The following CNTN3 variants were observed in gnomAD, a reference collection of about 807,000 sequenced individuals.
The protein encoded by CNTN3 is contactin-3.
A neutral mutation model predicts 119.1 loss-of-function variants in CNTN3; 60 were observed. The ratio of observed to expected loss-of-function variants is 0.50; its 90% CI spans 0.41 to 0.62. CNTN3 has a LOEUF of 0.62. CNTN3 is among the 20% of genes least tolerant of loss of function. The probability of loss-of-function intolerance (pLI) is 0.00; values close to 1 mark genes in which losing one functional copy is unlikely to be tolerated. For missense variants in CNTN3, 1,101 were observed against 1,242.4 expected (o/e 0.89, Z 1.71); for synonymous variants, 450 against 438.7 (o/e 1.03, Z -0.32).
chr3:74,302,642 G>C, intron 14 of CNTN3, 48 bp downstream of exon 14: 5 of 1,086,406 alleles, frequency 4.6e-6, no homozygotes, highest in Non-Finnish European at 7.1e-6. Flanking sequence ...AGTAAGGAAT[G>C]CTGTTAAGAT....
chr3:74,391,799 G>A (rs1414518443), intron 5 of CNTN3, among the ~76,000 whole-genome samples: 1 of 151,858 alleles, frequency 6.6e-6, no homozygotes, highest in African/African-American at 2.4e-5. Flanking sequence ...CTGGGACTAC[G>A]TTCGCGTGCC....
At position 74,398,615 on chromosome 3, in the gene CNTN3, T is replaced by C. The variant is rs1705113798; in HGVS notation, c.454+26230A>G. 2.0e-5 allele frequency among the ~76,000 whole-genome samples: 3 copies of C among 152,216 alleles called. No homozygotes were observed. In the South Asian group the frequency reaches 6.2e-4, roughly 32 times the overall value. On this transcript the variant is annotated intron_variant, in intron 5 of 22. Transcript: ENST00000263665. Reference sequence around the variant, plus strand: ...TCTGAGATATGTCTGTACTTCTTTTTCCCCATGTTTTTTGTCTAAATTTTA... The same window carrying C: ...TCTGAGATATGTCTGTACTTCTTTTCCCCCATGTTTTTTGTCTAAATTTTA...
intron 2 of CNTN3, among the ~76,000 whole-genome samples, chr3:74,508,552 G>A (rs143666056): frequency 2.0e-5 from 3 of 152,146 alleles, no homozygotes; most frequent in African/African-American, 7.2e-5. Flanking sequence ...GACACAGTAA[G>A]CATACAACTG....
intron 4 of CNTN3, among the ~76,000 whole-genome samples, chr3:74,429,131 C>A (rs1337816812): frequency 1.3e-5 from 2 of 151,860 alleles, no homozygotes; most frequent in Admixed American, 1.3e-4. Flanking sequence ...TAATATAATT[C>A]TGATCGAAAT....
chr3:74,369,349 T>C lies in CNTN3; in HGVS notation c.786A>G (p.Arg262=), dbSNP rs1265359802. 1 of 1,603,906 alleles carries C rather than the reference T, an allele frequency of 6.2e-7. No homozygotes were observed. Among genetic ancestry groups the C allele is most frequent in the East Asian group, 2.3e-5 (1 of 44,042 alleles). ...LGNPIPQINW[R]RSDGLPFSSK... is the part of the protein sequence containing the mutation. The stretch of plus-strand genomic sequence containing the variant: ...TGGAAAATGGCAGCCCATCACTTCT[T>C]CTCCAATTAATCTGAGGTATGGGAC... The change falls in exon 8 of 23, where the codon AGA becomes AGG. Residue 262 remains arginine (R), a synonymous_variant. Transcript: ENST00000263665.
intron 4 of CNTN3, among the ~76,000 whole-genome samples, chr3:74,480,076 T>C (rs980253782): frequency 2.0e-5 from 3 of 152,238 alleles, no homozygotes. Context: ...ACACTGAATA[T>C]TGACCTAGCT....
At chr3:74,578,251 G>T (rs765129652) in intron 1 of CNTN3, among the ~76,000 whole-genome samples, 1 of 151,670 alleles carries the variant, frequency 6.6e-6, no homozygotes, top group Non-Finnish European at 1.5e-5. Context: ...AATACTACTG[G>T]AAAAAAATAC....
At chr3:74,473,074 A>T (rs991780142) in intron 4 of CNTN3, among the ~76,000 whole-genome samples, 3 of 151,444 alleles carry the variant, frequency 2.0e-5, no homozygotes, top group African/African-American at 7.3e-5. Flanking sequence ...TTAAAAAATT[A>T]AAAAAATATA....
chr3:74,376,181 C>A (rs896433942), intron 5 of CNTN3, among the ~76,000 whole-genome samples: 4 of 152,156 alleles, frequency 2.6e-5, no homozygotes, highest in African/African-American at 9.7e-5. Context: ...TTGAGACTTG[C>A]GTTGGACTTC....
intron 11 of CNTN3, among the ~76,000 whole-genome samples, chr3:74,352,891 C>T (rs1349612773): frequency 3.3e-5 from 5 of 152,258 alleles, no homozygotes; most frequent in African/African-American, 9.6e-5. Context: ...TGAGCTTGCA[C>T]GCCTACCTGA....
chr3:74,582,716 A>G (rs1284330890), intron 1 of CNTN3, among the ~76,000 whole-genome samples: 3 of 151,804 alleles, frequency 2.0e-5, no homozygotes, highest in African/African-American at 7.3e-5. Flanking sequence ...GGAATCCCCA[A>G]CCTTGCTGGT....
chr3:74,350,018 C>G, intron 11 of CNTN3, among the ~76,000 whole-genome samples: 1 of 152,168 alleles, frequency 6.6e-6, no homozygotes, highest in East Asian at 1.9e-4. Context: ...GTGGCCTTAA[C>G]TTCTATGATC....
intron 1 of CNTN3, among the ~76,000 whole-genome samples, chr3:74,555,264 G>A (rs1447623176): frequency 5.3e-5 from 8 of 152,106 alleles, no homozygotes; most frequent in Non-Finnish European, 1.0e-4. Flanking sequence ...GTAGGAAGTC[G>A]ACTTGATCGT....
Position 74,563,882 on chromosome 3 carries a change from A to C in CNTN3, c.-80-42690T>G, listed in dbSNP as rs571787180. Among the ~76,000 whole-genome samples, 62 of 152,138 alleles carry C rather than the reference A, an allele frequency of 4.1e-4. 2 individuals carry two copies. In the South Asian group the frequency reaches 0.013, roughly 31 times the overall value. ...AAACCCTGAATTAACTCTATCTCCC[A>C]TCCAATTTTTAGAGCCTGGGAATAT... On this transcript the variant is annotated intron_variant, in intron 1 of 22. Transcript: ENST00000263665.
At chr3:74,418,534 T>C (rs1482941560) in intron 5 of CNTN3, among the ~76,000 whole-genome samples, 1 of 150,964 alleles carries the variant, frequency 6.6e-6, no homozygotes, top group African/African-American at 2.4e-5. Context: ...TGAGACGGGG[T>C]TTCACCTTGC....
chr3:74,441,972 A>AT (rs1271958717), intron 4 of CNTN3, among the ~76,000 whole-genome samples: 1 of 152,016 alleles, frequency 6.6e-6, no homozygotes, highest in Non-Finnish European at 1.5e-5. Flanking sequence ...ATTCAATTTC[A>AT]TTTTTTGCAT....
At chr3:74,407,598 C>A (rs1256138700) in intron 5 of CNTN3, among the ~76,000 whole-genome samples, 3 of 151,884 alleles carry the variant, frequency 2.0e-5, no homozygotes, top group Non-Finnish European at 1.5e-5. Flanking sequence ...AGCGGAAGAC[C>A]TAGGTCTAGC....
intron 20 of CNTN3, among the ~76,000 whole-genome samples, chr3:74,279,194 AGT>A (rs1343081326): frequency 2.0e-5 from 3 of 152,220 alleles, no homozygotes; most frequent in Non-Finnish European, 4.4e-5. Context: ...TGTGGAAAAC[AGT>A]GTGGAGATTC....
intron 1 of CNTN3, among the ~76,000 whole-genome samples, chr3:74,543,658 T>C (rs1703872601): frequency 6.6e-6 from 1 of 152,170 alleles, no homozygotes; most frequent in African/African-American, 2.4e-5. Context: ...GTATAGATAT[T>C]AATTTGTACC....
Sources: gnomAD v4.1 joint callset for allele counts (sites outside exome capture counted in the v4.1 genomes callset) on GRCh38, gnomAD v4.1.1 for gene constraint, MANE v1.5 for transcripts, NCBI Gene and HGNC (gene_info 2026-07-23, HGNC 2026-07-21) for gene names.